OLAH: variants seen among roughly 807,000 people sequenced by gnomAD.
OLAH encodes the protein S-acyl fatty acid synthase thioesterase, medium chain.
A neutral mutation model predicts 27.8 loss-of-function variants in OLAH; 33 were observed. The observed-to-expected ratio is 1.19, with a 90% CI of 0.90 to 1.59. The LOEUF (loss-of-function observed/expected upper bound fraction) is 1.59, where lower values mean the gene tolerates loss of function less well. OLAH is among the 40% of genes most tolerant of loss of function. The pLI is 0.00. For missense variants in OLAH, 359 were observed against 310.8 expected (o/e 1.16, Z -1.17); for synonymous variants, 120 against 102.9 (o/e 1.17, Z -1.01).
chr10:15,036,877 G>C (rs1466694044), intron 1 of OLAH, among the ~76,000 whole-genome samples: 3 of 152,048 alleles, frequency 2.0e-5, no homozygotes, highest in Non-Finnish European at 4.4e-5. Flanking sequence ...TCAAGAGTTT[G>C]AGAGCAGCCT....
intron 3 of OLAH, among the ~76,000 whole-genome samples, chr10:15,058,620 T>A (rs1029706716): frequency 6.6e-6 from 1 of 152,118 alleles, no homozygotes; most frequent in Non-Finnish European, 1.5e-5. Context: ...TCTGAGTTTG[T>A]GGGGGGGAAA....
At chr10:15,069,245 G>A (rs1844532393) in intron 6 of OLAH, among the ~76,000 whole-genome samples, 3 of 152,210 alleles carry the variant, frequency 2.0e-5, no homozygotes, top group Admixed American at 2.0e-4. Context: ...CTTGGTGGAA[G>A]ATTCCTGCCC....
At chr10:15,054,039 AT>A (rs34022567) in intron 3 of OLAH, among the ~76,000 whole-genome samples, 2,185 of 129,062 alleles carry the variant, frequency 0.017, 49 homozygotes, top group African/African-American at 0.056. Context: ...CCTCTTAAGC[AT>A]TTTTTTTTTT....
intron 6 of OLAH, among the ~76,000 whole-genome samples, chr10:15,070,189 G>C (rs1305238581): frequency 1.3e-5 from 2 of 151,030 alleles, no homozygotes; most frequent in Non-Finnish European, 2.9e-5. Flanking sequence ...GGAGTGTGGG[G>C]TGCTGCTGCT....
chr10:15,046,176 T>C (rs146774734), intron 1 of OLAH, among the ~76,000 whole-genome samples: 4,588 of 151,968 alleles, frequency 0.03, 81 homozygotes, highest in African/African-American at 0.044. Flanking sequence ...CGAAACCCTG[T>C]CTTTACTAAA....
chr10:15,032,632 A>AG (rs1479602921), intron 1 of OLAH, among the ~76,000 whole-genome samples: 1 of 151,570 alleles, frequency 6.6e-6, no homozygotes, highest in Non-Finnish European at 1.5e-5. Flanking sequence ...AAAAAAAAAA[A>AG]AAAAAAAGAA....
chr10:15,037,810 A>T (rs1004636801), intron 1 of OLAH, among the ~76,000 whole-genome samples: 2 of 152,226 alleles, frequency 1.3e-5, no homozygotes, highest in African/African-American at 2.4e-5. Flanking sequence ...AAACTTTTAC[A>T]GCCTTATCAA....
Position 15,063,526 on chromosome 10 carries a change from T to C in OLAH, c.303-877T>C, listed in dbSNP as rs139445032. ...GAGTTTCCCTTTCTTTCAGAAAATATATACATGTGCAATTTACAAATAAGC... is the reference window on the plus strand; with the variant it reads ...GAGTTTCCCTTTCTTTCAGAAAATACATACATGTGCAATTTACAAATAAGC... On this transcript the variant is annotated intron_variant, in intron 4 of 7. Transcript: ENST00000378228. Among the ~76,000 whole-genome samples the C allele has an allele frequency of 4.8e-3, 728 of 152,346 alleles. 5 individuals carry two copies. The highest frequency in any genetic ancestry group is 0.017 in the African/African-American group (700 of 41,580).
At chr10:15,056,389 C>T (rs1844245292) in intron 3 of OLAH, among the ~76,000 whole-genome samples, 1 of 151,926 alleles carries the variant, frequency 6.6e-6, no homozygotes, top group African/African-American at 2.4e-5. Flanking sequence ...AAATTGTTCT[C>T]CAAAGGAATT....
At chr10:15,066,988 G>A (rs1221754037) in intron 6 of OLAH, among the ~76,000 whole-genome samples, 6 of 152,150 alleles carry the variant, frequency 3.9e-5, no homozygotes, top group Admixed American at 2.6e-4. Flanking sequence ...CTACACATGT[G>A]TATTTCAAAA....
At chr10:15,041,079 T>C (rs1843911775), upstream of OLAH, among the ~76,000 whole-genome samples, 1 of 152,122 alleles carries the variant, frequency 6.6e-6, no homozygotes, top group Non-Finnish European at 1.5e-5. Context: ...TTGACTAGAG[T>C]GGGTGCAGCC....
intron 4 of OLAH, 151 bp downstream of exon 4, chr10:15,062,013 C>A: frequency 1.4e-6 from 1 of 714,648 alleles, no homozygotes. Flanking sequence ...TTTTACAATT[C>A]ACCAGTTTGT....
upstream of OLAH, among the ~76,000 whole-genome samples, chr10:15,039,773 C>T (rs1344230017): frequency 3.9e-5 from 6 of 152,160 alleles, no homozygotes; most frequent in African/African-American, 1.2e-4. Flanking sequence ...ACTGTGCAGT[C>T]GTCAGTTTGG....
chr10:15,050,832 C>T (rs930063347), intron 3 of OLAH, among the ~76,000 whole-genome samples: 13 of 151,938 alleles, frequency 8.6e-5, no homozygotes, highest in African/African-American at 2.7e-4. Context: ...TGAGCCACCG[C>T]GCCTGGCCCC....
chr10:15,060,024 AT>A (rs1433460682), intron 3 of OLAH, among the ~76,000 whole-genome samples: 1 of 149,904 alleles, frequency 6.7e-6, no homozygotes, highest in Non-Finnish European at 1.5e-5. Context: ...TTCAGCCACT[AT>A]TTTTTTTCAA....
chr10:15,064,744 G>A (rs1236072964), intron 5 of OLAH, among the ~76,000 whole-genome samples: 1 of 152,184 alleles, frequency 6.6e-6, no homozygotes, highest in East Asian at 1.9e-4. Flanking sequence ...TGCAACCTCT[G>A]CTTACTGGGT....
chr10:15,036,822 T>G (rs1362723132), intron 1 of OLAH, among the ~76,000 whole-genome samples: 1 of 152,158 alleles, frequency 6.6e-6, no homozygotes, highest in African/African-American at 2.4e-5. Context: ...GGCTCACACC[T>G]GTAATCACAA....
intron 6 of OLAH, among the ~76,000 whole-genome samples, chr10:15,066,745 A>G (rs999334829): frequency 6.6e-6 from 1 of 151,944 alleles, no homozygotes; most frequent in South Asian, 2.1e-4. Flanking sequence ...GGTTCAAGCG[A>G]TTCTCCTGCC....
upstream of OLAH, among the ~76,000 whole-genome samples, chr10:15,043,075 T>A (rs1000413779): frequency 6.6e-6 from 1 of 151,956 alleles, no homozygotes; most frequent in Non-Finnish European, 1.5e-5. Flanking sequence ...TTAGCCAGGG[T>A]GGTCTCAGTC....
Sources: gnomAD v4.1 joint callset for allele counts (sites outside exome capture counted in the v4.1 genomes callset) on GRCh38, gnomAD v4.1.1 for gene constraint, MANE v1.5 for transcripts, NCBI Gene and HGNC (gene_info 2026-07-23, HGNC 2026-07-21) for gene names.